The following NFASC variants were observed in gnomAD, a reference collection of about 807,000 sequenced individuals.
NFASC encodes the protein neurofascin homolog.
A neutral mutation model predicts 147.5 loss-of-function variants in NFASC; 43 were observed. The ratio of observed to expected loss-of-function variants is 0.29; its 90% CI spans 0.23 to 0.38. The LOEUF (loss-of-function observed/expected upper bound fraction) is 0.38, where lower values mean the gene tolerates loss of function less well. Ranked by LOEUF, NFASC falls within the 10% of genes least tolerant of loss-of-function variation. The pLI, the probability that NFASC is intolerant of heterozygous loss-of-function variation, is 1.00. For missense variants in NFASC, 1,320 were observed against 1,689.0 expected (o/e 0.78, Z 3.83); for synonymous variants, 622 against 665.5 (o/e 0.93, Z 1.01).
chr1:204,922,204 C>T (rs2090634715), intron 2 of NFASC, among the ~76,000 whole-genome samples: 1 of 152,148 alleles, frequency 6.6e-6, no homozygotes. Context: ...TTCCCATGCA[C>T]CCTTCCCACT....
intron 1 of NFASC, among the ~76,000 whole-genome samples, chr1:204,903,555 A>T (rs1312682066): frequency 2.0e-5 from 3 of 152,144 alleles, no homozygotes; most frequent in African/African-American, 7.2e-5. Context: ...TCCCAAGACT[A>T]TTCCATCTGA....
Position 204,897,056 on chromosome 1 carries a change from C to G in NFASC, c.-199-23576C>G, listed in dbSNP as rs187810650. ...AGAAATACTGACTGTAGGTTCCCCC[C>G]CTTCCCCCCGACCCAGACATGCTGA... On this transcript the variant is annotated intron_variant, in intron 1 of 29. Coordinates refer to ENST00000339876, the MANE Select transcript of NFASC (RefSeq NM_001005388.3). Among the ~76,000 whole-genome samples, 568 of 151,906 alleles carry G rather than the reference C, an allele frequency of 3.7e-3. 2 individuals are homozygous for G. The highest frequency in any genetic ancestry group is 4.4e-3 in the Non-Finnish European group (297 of 67,966).
intron 2 of NFASC, among the ~76,000 whole-genome samples, chr1:204,927,140 T>C (rs2091771604): frequency 6.6e-6 from 1 of 152,124 alleles, no homozygotes; most frequent in South Asian, 2.1e-4. Flanking sequence ...TTAGTGCCCA[T>C]AGACTTGAGC....
intron 27 of NFASC, among the ~76,000 whole-genome samples, 184 bp downstream of exon 27, chr1:205,002,932 CCA>C (rs755011100): frequency 6.6e-6 from 1 of 152,202 alleles, no homozygotes; most frequent in Non-Finnish European, 1.5e-5. Context: ...CTAGAGGAGC[CCA>C]GTGTGCATGC....
At chr1:204,964,075 A>C (rs912628414) in intron 8 of NFASC, among the ~76,000 whole-genome samples, 7 of 152,236 alleles carry the variant, frequency 4.6e-5, no homozygotes, top group African/African-American at 1.4e-4. Flanking sequence ...GAGGAGACCA[A>C]GTGGTTAAGA....
Position 205,016,485 on chromosome 1 carries a change from C to T in NFASC, c.3669C>T (p.Gly1223=). ...TVKKDKEETE[G]NESSEATSPV... ...AAAAGGACAAGGAGGAAACAGAGGG[C>T]AACGAAAGCTCAGAGGCCACGTCAC... is the stretch of plus-strand genomic sequence containing the variant. Residue 1223 remains glycine (G), a synonymous_variant, in exon 30 of 30, where the codon GGC becomes GGT. Coordinates refer to ENST00000339876, the MANE Select transcript of NFASC (RefSeq NM_001005388.3). This position sits in a 1 kb window ranked among gnomAD's most constrained non-coding sequence, Gnocchi z 5.1. 1.2e-6 allele frequency: 2 copies of T among 1,614,128 alleles called. No homozygotes were observed. The highest frequency in any genetic ancestry group is 1.7e-6 in the Non-Finnish European group (2 of 1,180,016).
intron 1 of NFASC, among the ~76,000 whole-genome samples, chr1:204,907,141 T>C (rs2086182713): frequency 6.6e-6 from 1 of 152,124 alleles, no homozygotes; most frequent in Non-Finnish European, 1.5e-5. Context: ...TATGAGAAGT[T>C]TGTTTGTTTG....
chr1:204,882,342 C>T (rs189549862), intron 1 of NFASC, among the ~76,000 whole-genome samples: 8 of 152,300 alleles, frequency 5.3e-5, no homozygotes, highest in East Asian at 3.9e-4. Context: ...CCTGCTCTGC[C>T]GGGCTGTCTT....
At chr1:204,876,363 T>C (rs889707488) in intron 1 of NFASC, among the ~76,000 whole-genome samples, 22 of 152,224 alleles carry the variant, frequency 1.4e-4, no homozygotes, top group African/African-American at 5.3e-4. Flanking sequence ...AAAAAAGATA[T>C]AAACTAAAGC....
chr1:204,967,436 A>G (rs1334461478), intron 8 of NFASC, among the ~76,000 whole-genome samples: 1 of 152,124 alleles, frequency 6.6e-6, no homozygotes, highest in Non-Finnish European at 1.5e-5. Flanking sequence ...CATCCTGAAA[A>G]TGCCAATCTC....
intron 1 of NFASC, among the ~76,000 whole-genome samples, chr1:204,840,156 C>T (rs183756830): frequency 1.8e-3 from 267 of 152,294 alleles, no homozygotes; most frequent in Non-Finnish European, 2.6e-3. Context: ...GTTTGAGATT[C>T]TGCTTTTCCA....
At chr1:204,996,340 G>T (rs2095845036) in intron 24 of NFASC, among the ~76,000 whole-genome samples, 1 of 152,150 alleles carries the variant, frequency 6.6e-6, no homozygotes, top group East Asian at 1.9e-4. Flanking sequence ...TGGGAAGGTG[G>T]TGCTGCTGAG....
chr1:204,966,786 G>A (rs2094970446), intron 8 of NFASC, among the ~76,000 whole-genome samples: 1 of 152,140 alleles, frequency 6.6e-6, no homozygotes, highest in South Asian at 2.1e-4. Context: ...AGCATTTGCT[G>A]TATGCCGTGT....
intron 28 of NFASC, among the ~76,000 whole-genome samples, chr1:205,012,305 G>A (rs572453863): frequency 6.6e-6 from 1 of 152,328 alleles, no homozygotes; most frequent in Admixed American, 6.5e-5. Flanking sequence ...AGGTGTGTAC[G>A]GCGTGTCTTC....
rs951500442 is a variant in NFASC at position 204,974,089 on chromosome 1, T to A, written c.1280-90T>A. On this transcript the variant is annotated intron_variant, in intron 12 of 29. Transcript: ENST00000339876. ...TGTCTCAGTGCCTGGGAAGCTGCTG[T>A]AAGCAGAAGGCATGCAGAGGTGAGA... 3 of 1,009,170 alleles carry A rather than the reference T, an allele frequency of 3.0e-6. No individual in the cohort carries two copies. In the African/African-American group the frequency reaches 4.8e-5, roughly 16 times the overall value. The allele number at this position is 1,009,170 out of a possible 1,614,324, so 62.5% of individuals were successfully genotyped here.
chr1:205,009,526 T>C (rs2096210772), intron 27 of NFASC, 31 bp from the exon 28 acceptor site: 1 of 1,612,306 alleles, frequency 6.2e-7, no homozygotes, highest in Non-Finnish European at 8.5e-7. Flanking sequence ...ATGAAATCAT[T>C]CACGGGTTTG....
intron 2 of NFASC, among the ~76,000 whole-genome samples, chr1:204,931,547 T>A (rs924908822): frequency 1.3e-5 from 2 of 152,250 alleles, no homozygotes; most frequent in Non-Finnish European, 2.9e-5. Context: ...TTCTAGTCAC[T>A]TGACTAGTTT....
chr1:204,973,507 T>C (rs962336700), intron 12 of NFASC, 88 bp downstream of exon 12: 46 of 1,503,918 alleles, frequency 3.1e-5, no homozygotes, highest in Non-Finnish European at 3.9e-5. Context: ...GGGCACACTT[T>C]CTTCTCCGGG....
At chr1:204,910,695 A>T (rs6703744) in intron 1 of NFASC, among the ~76,000 whole-genome samples, 67,029 of 151,640 alleles carry the variant, frequency 0.44, 15,244 homozygotes, top group Admixed American at 0.55. Flanking sequence ...TAGGGAGAAG[A>T]TCTTGCTATG....
Sources: gnomAD v4.1 joint callset for allele counts (sites outside exome capture counted in the v4.1 genomes callset) on GRCh38, gnomAD v4.1.1 for gene constraint, Gnocchi (gnomAD v3.1) non-coding constraint, MANE v1.5 for transcripts, NCBI Gene and HGNC (gene_info 2026-07-23, HGNC 2026-07-21) for gene names.